OPCML: variants seen among roughly 807,000 people sequenced by gnomAD.
OPCML encodes the protein opioid binding protein/cell adhesion molecule like, also known as opioid-binding protein/cell adhesion molecule.
Under a neutral mutation model 37.8 loss-of-function variants are expected in OPCML, and 13 were observed. The ratio of observed to expected loss-of-function variants is 0.34; its 90% CI spans 0.22 to 0.55. The LOEUF is 0.55. OPCML is among the 20% of genes least tolerant of loss of function. The pLI is 0.91. For synonymous variants in OPCML, 176 were observed against 168.8 expected (o/e 1.04, Z -0.33); for missense variants, 341 against 435.6 (o/e 0.78, Z 1.93).
Position 132,943,161 on chromosome 11 carries a change from C to T in OPCML, c.62-151G>A. 6.3e-7 allele frequency: 1 copy of T among 1,599,958 alleles called. No homozygotes were observed. Among genetic ancestry groups the T allele is most frequent in the Non-Finnish European group, 8.6e-7 (1 of 1,169,582 alleles). On this transcript the variant is annotated intron_variant, in intron 1 of 7. Transcript: ENST00000524381. This position sits in a 1 kb window ranked among gnomAD's most constrained non-coding sequence, Gnocchi z 4.3. ...CCTGGTCCCCCGCCCCGCGCACCAG[C>T]GGGCTCGGGAAGCGGTGCGGGGAGG...
chr11:133,496,486 T>G (rs1947790348), intron 1 of OPCML, among the ~76,000 whole-genome samples: 1 of 152,238 alleles, frequency 6.6e-6, no homozygotes, highest in African/African-American at 2.4e-5. Context: ...AGATTGCTTT[T>G]GACAGTATGG....
intron 3 of OPCML, among the ~76,000 whole-genome samples, chr11:132,573,092 G>T (rs992367267): frequency 2.6e-5 from 4 of 151,302 alleles, no homozygotes; most frequent in African/African-American, 4.8e-5. Context: ...TTTGTATGTT[G>T]ATTTTCCATC....
intron 1 of OPCML, among the ~76,000 whole-genome samples, chr11:133,118,602 G>T (rs901603567): frequency 3.6e-4 from 54 of 151,926 alleles, no homozygotes; most frequent in Non-Finnish European, 6.8e-4. Context: ...ATGGCCATCT[G>T]CCTTCACAAG....
At chr11:133,366,255 A>G (rs1217132856) in intron 1 of OPCML, among the ~76,000 whole-genome samples, 1 of 152,192 alleles carries the variant, frequency 6.6e-6, no homozygotes, top group Non-Finnish European at 1.5e-5. Flanking sequence ...TGAGAGTCTG[A>G]TGATCCCGTG....
At chr11:132,427,052 TG>T (rs1350460503) in intron 7 of OPCML, among the ~76,000 whole-genome samples, 1 of 152,178 alleles carries the variant, frequency 6.6e-6, no homozygotes, top group African/African-American at 2.4e-5. Context: ...TTCCTTTCCA[TG>T]ATTACAATGA....
intron 1 of OPCML, among the ~76,000 whole-genome samples, chr11:133,187,280 C>T (rs181901294): frequency 1.6e-3 from 244 of 152,182 alleles, no homozygotes; most frequent in Non-Finnish European, 2.7e-3. Flanking sequence ...TTATAATACA[C>T]ATCCCACGTC....
chr11:132,481,564 T>G (rs905788059), intron 4 of OPCML, among the ~76,000 whole-genome samples: 6 of 151,016 alleles, frequency 4.0e-5, no homozygotes, highest in Middle Eastern at 3.2e-3. Flanking sequence ...CTGCACCAAG[T>G]GGACCTAATA....
intron 3 of OPCML, among the ~76,000 whole-genome samples, chr11:132,555,705 T>G (rs1024735296): frequency 1.3e-5 from 2 of 152,128 alleles, no homozygotes; most frequent in African/African-American, 4.8e-5. Flanking sequence ...GAGGATGAGA[T>G]AGTGAGCAAC....
chr11:132,901,969 T>TC (rs1181940835), intron 2 of OPCML, among the ~76,000 whole-genome samples: 5 of 152,110 alleles, frequency 3.3e-5, no homozygotes, highest in Non-Finnish European at 5.9e-5. Flanking sequence ...GATGATGAAC[T>TC]CCCCCCACCA....
chr11:132,899,757 A>C (rs1053283036), intron 2 of OPCML, among the ~76,000 whole-genome samples: 1 of 152,086 alleles, frequency 6.6e-6, no homozygotes, highest in African/African-American at 2.4e-5. Flanking sequence ...ATCTGCCCTC[A>C]CTGTATGTGG....
chr11:133,071,855 A>C (rs750839462), intron 1 of OPCML, among the ~76,000 whole-genome samples: 2 of 152,168 alleles, frequency 1.3e-5, no homozygotes, highest in Non-Finnish European at 2.9e-5. Flanking sequence ...TTATTCCTAA[A>C]ATCCTGCAAA....
intron 2 of OPCML, among the ~76,000 whole-genome samples, chr11:132,922,111 C>T (rs1008274390): frequency 1.3e-5 from 2 of 152,100 alleles, no homozygotes; most frequent in African/African-American, 4.8e-5. Flanking sequence ...AACTCCTGAC[C>T]TCGTGATCCA....
chr11:133,179,508 A>G (rs1937721248), intron 1 of OPCML, among the ~76,000 whole-genome samples: 1 of 152,144 alleles, frequency 6.6e-6, no homozygotes, highest in Non-Finnish European at 1.5e-5. Context: ...GGGCCCCCTG[A>G]GGCCAGGGAG....
chr11:132,927,527 A>G (rs905364392), intron 2 of OPCML, among the ~76,000 whole-genome samples: 2 of 152,110 alleles, frequency 1.3e-5, no homozygotes, highest in African/African-American at 4.8e-5. Flanking sequence ...ATATAAACAA[A>G]AGCTGAGGGA....
rs1278410059 is a variant in OPCML at position 132,615,804 on chromosome 11, A to G, written c.379+41283T>C. On this transcript the variant is annotated intron_variant, in intron 3 of 7. Transcript: ENST00000524381. Reference sequence around the variant, plus strand: ...AGGAACTCAATGAATGTAAGCTATTATTAGTTTCAGGAAAAGAACCTGTAG... The same window carrying G: ...AGGAACTCAATGAATGTAAGCTATTGTTAGTTTCAGGAAAAGAACCTGTAG... Among the ~76,000 whole-genome samples, 2 of 152,198 alleles carry G rather than the reference A, an allele frequency of 1.3e-5. 1 individual carries two copies. Among genetic ancestry groups the G allele is most frequent in the Non-Finnish European group, 2.9e-5 (2 of 68,042 alleles).
chr11:133,404,942 C>G (rs1193255677), intron 1 of OPCML, among the ~76,000 whole-genome samples: 1 of 152,160 alleles, frequency 6.6e-6, no homozygotes, highest in African/African-American at 2.4e-5. Flanking sequence ...GGAATCATAG[C>G]AGGAAAATGG....
intron 1 of OPCML, among the ~76,000 whole-genome samples, chr11:133,456,860 TA>T (rs1946681995): frequency 6.6e-6 from 1 of 151,344 alleles, no homozygotes; most frequent in Non-Finnish European, 1.5e-5. Context: ...GAAAAACTAT[TA>T]AAAAATTAAC....
intron 2 of OPCML, among the ~76,000 whole-genome samples, chr11:132,754,639 G>C (rs1945972139): frequency 6.6e-6 from 1 of 152,148 alleles, no homozygotes; most frequent in Non-Finnish European, 1.5e-5. Context: ...AGAACTGGGA[G>C]ATTCTCCTGA....
At chr11:133,350,483 T>C (rs185096451) in intron 1 of OPCML, among the ~76,000 whole-genome samples, 2 of 152,292 alleles carry the variant, frequency 1.3e-5, no homozygotes, top group Admixed American at 6.5e-5. Flanking sequence ...TTAGCATCTA[T>C]CTTCCTCCCA....
Sources: gnomAD v4.1 joint callset for allele counts (sites outside exome capture counted in the v4.1 genomes callset) on GRCh38, gnomAD v4.1.1 for gene constraint, Gnocchi (gnomAD v3.1) non-coding constraint, MANE v1.5 for transcripts, NCBI Gene and HGNC (gene_info 2026-07-23, HGNC 2026-07-21) for gene names.